Variants in TSPAN18 observed in about 807,000 individuals in gnomAD.
TSPAN18 encodes tetraspanin-18.
Under a neutral mutation model 27.3 loss-of-function variants are expected in TSPAN18, and 14 were observed. The ratio of observed to expected loss-of-function variants is 0.51; its 90% CI spans 0.34 to 0.80. TSPAN18 has a LOEUF of 0.80. Among genes scored for constraint, TSPAN18 ranks in the 30% least tolerant of loss-of-function variants. The pLI is 0.01. For missense variants in TSPAN18, 268 were observed against 323.9 expected (o/e 0.83, Z 1.32); for synonymous variants, 143 against 136.5 (o/e 1.05, Z -0.33).
rs1176101527 is a variant in TSPAN18, at chr11:44,918,007, G to A, written c.294G>A (p.Glu98=). Residue 98 remains glutamate (E), a synonymous_variant, in exon 6 of 10, where the codon GAG becomes GAA. Coordinates refer to ENST00000520358, the MANE Select transcript of TSPAN18 (RefSeq NM_130783.5). ...FLFILIIFLA[E]LSAAILAFIF... is the part of the protein sequence containing the mutation. ...TCATCCTGATCATCTTCCTGGCAGA[G>A]CTCTCAGCAGCCATCCTGGCCTTCA... The A allele has an allele frequency of 6.2e-7, 1 of 1,614,018 alleles. No individual in the cohort carries two copies. Among genetic ancestry groups the A allele is most frequent in the African/African-American group, 1.3e-5 (1 of 74,930 alleles).
intron 2 of TSPAN18, among the ~76,000 whole-genome samples, chr11:44,770,019 G>T (rs779564492): frequency 2.0e-5 from 3 of 152,190 alleles, no homozygotes; most frequent in Non-Finnish European, 4.4e-5. Flanking sequence ...ACAATGCCTA[G>T]CCCTGAGTTG....
intron 2 of TSPAN18, among the ~76,000 whole-genome samples, chr11:44,787,222 A>G (rs1186920985): frequency 2.0e-5 from 3 of 152,196 alleles, no homozygotes; most frequent in Non-Finnish European, 4.4e-5. Flanking sequence ...CCATCAACTC[A>G]CTTAATCCTC....
rs147775373 is a variant in TSPAN18 at position 44,791,448 on chromosome 11, G to A, written c.-153+26936G>A. Among the ~76,000 whole-genome samples, 1,043 of 152,338 alleles carry A rather than the reference G, an allele frequency of 6.8e-3. 12 individuals carry two copies. The highest frequency in any genetic ancestry group is 0.023 in the African/African-American group (969 of 41,580). On this transcript the variant is annotated intron_variant, in intron 2 of 9. Coordinates refer to ENST00000520358, the MANE Select transcript of TSPAN18 (RefSeq NM_130783.5). ...TGAAGAGGCTGGAGAGCATCCATCT[G>A]TCCCCCGACATGTGAAGGCTAGAAG...
At chr11:44,926,052 T>C (rs1007263474) in intron 8 of TSPAN18, among the ~76,000 whole-genome samples, 1 of 152,138 alleles carries the variant, frequency 6.6e-6, no homozygotes, top group Non-Finnish European at 1.5e-5. Flanking sequence ...GGGAATTAAG[T>C]CCAGGGCCTG....
At chr11:44,921,818 C>A (rs1168868913) in intron 8 of TSPAN18, among the ~76,000 whole-genome samples, 1 of 152,206 alleles carries the variant, frequency 6.6e-6, no homozygotes, top group East Asian at 1.9e-4. Context: ...TTCCCATGGG[C>A]CGCATTCCCC....
intron 2 of TSPAN18, among the ~76,000 whole-genome samples, chr11:44,837,866 A>G (rs887085336): frequency 3.9e-5 from 6 of 152,236 alleles, no homozygotes; most frequent in African/African-American, 1.4e-4. Context: ...GCTATTGCAC[A>G]CTTAATAACA....
intron 3 of TSPAN18, among the ~76,000 whole-genome samples, chr11:44,866,302 C>G (rs1322325877): frequency 1.3e-5 from 2 of 152,212 alleles, no homozygotes; most frequent in African/African-American, 4.8e-5. Context: ...GCTCCCTCCA[C>G]GAATTTGAAA....
chr11:44,809,007 G>A (rs547712284), intron 2 of TSPAN18, among the ~76,000 whole-genome samples: 7 of 152,234 alleles, frequency 4.6e-5, no homozygotes, highest in Non-Finnish European at 7.3e-5. Context: ...CAACTACCAT[G>A]GGACAGACCT....
chr11:44,730,582 A>T (rs183461508), intron 1 of TSPAN18, among the ~76,000 whole-genome samples: 106 of 151,542 alleles, frequency 7.0e-4, no homozygotes, highest in Non-Finnish European at 1.3e-3. Flanking sequence ...TTGGACCTGC[A>T]TTAGTGCTCC....
chr11:44,865,635 A>C (rs1371522682), intron 3 of TSPAN18, among the ~76,000 whole-genome samples: 3 of 152,206 alleles, frequency 2.0e-5, no homozygotes, highest in Non-Finnish European at 2.9e-5. Context: ...TTTCCTAGCA[A>C]CATTCTCTTT....
At chr11:44,874,627 GA>G (rs1348724447) in intron 3 of TSPAN18, among the ~76,000 whole-genome samples, 1 of 152,232 alleles carries the variant, frequency 6.6e-6, no homozygotes, top group African/African-American at 2.4e-5. Context: ...ACCCCAGGGA[GA>G]AAGAGGAAAA....
rs767990733 is a variant in TSPAN18 at position 44,919,942 on chromosome 11, G to T, written c.558G>T (p.Gly186=). The change falls in exon 8 of 10, where the codon GGG becomes GGT. Residue 186 remains glycine (G), a synonymous_variant. Transcript: ENST00000520358. ...GGAGGGAACCCCAAAGTCGGGACGG[G>T]GTCCTGCTGAGCCGGGAGGAGTGCC... ...CCRREPQSRD[G]VLLSREECLL... is the part of the protein sequence containing the mutation. The T allele has an allele frequency of 1.9e-6, 3 of 1,614,186 alleles. No individual in the cohort carries two copies. Among genetic ancestry groups the T allele is most frequent in the Non-Finnish European group, 8.5e-7 (1 of 1,180,036 alleles).
intron 3 of TSPAN18, among the ~76,000 whole-genome samples, chr11:44,893,001 C>T (rs1404924818): frequency 1.3e-5 from 2 of 152,228 alleles, no homozygotes; most frequent in African/African-American, 2.4e-5. Context: ...AGGAGGTCCT[C>T]GTTCTAGCTG....
At chr11:44,839,425 C>G (rs1238877712) in intron 2 of TSPAN18, among the ~76,000 whole-genome samples, 1 of 152,216 alleles carries the variant, frequency 6.6e-6, no homozygotes, top group South Asian at 2.1e-4. Context: ...CCCTCGGGCT[C>G]TTTTCCCTTT....
At chr11:44,804,906 C>A (rs1325827170) in intron 2 of TSPAN18, among the ~76,000 whole-genome samples, 2 of 152,316 alleles carry the variant, frequency 1.3e-5, no homozygotes, top group East Asian at 3.9e-4. Context: ...ACAGAACAGG[C>A]TGTTTAAGTG....
chr11:44,729,271 T>A (rs1160530244), intron 1 of TSPAN18, among the ~76,000 whole-genome samples: 2 of 152,160 alleles, frequency 1.3e-5, no homozygotes, highest in Non-Finnish European at 2.9e-5. Context: ...AGTTTTTTTT[T>A]GTTGTGTTTT....
chr11:44,927,688 G>A (rs982733163), intron 9 of TSPAN18, among the ~76,000 whole-genome samples: 6 of 152,122 alleles, frequency 3.9e-5, no homozygotes, highest in Non-Finnish European at 5.9e-5. Context: ...CCCTCATGGA[G>A]GGCAACAATG....
intron 2 of TSPAN18, among the ~76,000 whole-genome samples, chr11:44,771,922 A>G (rs1405525361): frequency 6.6e-6 from 1 of 152,244 alleles, no homozygotes; most frequent in Non-Finnish European, 1.5e-5. Context: ...GAGATTTATT[A>G]TGAAGAATTG....
chr11:44,883,118 A>G (rs1249230794), intron 3 of TSPAN18, among the ~76,000 whole-genome samples: 7 of 152,188 alleles, frequency 4.6e-5, no homozygotes, highest in Non-Finnish European at 8.8e-5. Flanking sequence ...CTTTTACAGG[A>G]TGAGACCCAC....
Sources: gnomAD v4.1 joint callset for allele counts (sites outside exome capture counted in the v4.1 genomes callset) on GRCh38, gnomAD v4.1.1 for gene constraint, MANE v1.5 for transcripts, NCBI Gene and HGNC (gene_info 2026-07-23, HGNC 2026-07-21) for gene names.